SEZ6L: variants seen among roughly 807,000 people sequenced by gnomAD.
SEZ6L encodes the protein seizure 6-like protein.
A neutral mutation model predicts 106.2 loss-of-function variants in SEZ6L; 37 were observed. The observed-to-expected ratio is 0.35, with a 90% CI of 0.27 to 0.46. SEZ6L has a LOEUF of 0.46. Among genes scored for constraint, SEZ6L ranks in the 20% least tolerant of loss-of-function variants. The pLI is 1.00. For synonymous variants in SEZ6L, 541 were observed against 570.4 expected (o/e 0.95, Z 0.73); for missense variants, 1,172 against 1,332.8 (o/e 0.88, Z 1.88).
chr22:26,259,051 A>T (rs1358698484), intron 1 of SEZ6L, among the ~76,000 whole-genome samples: 1 of 152,366 alleles, frequency 6.6e-6, no homozygotes, highest in South Asian at 2.1e-4. Flanking sequence ...AAAGGAAATG[A>T]TAAAGTTTAA....
chr22:26,377,645 T>G, intron 15 of SEZ6L, 28 bp from the exon 16 acceptor site: 1 of 1,550,518 alleles, frequency 6.4e-7, no homozygotes, highest in Non-Finnish European at 8.9e-7. Context: ...TGGGGAGAAG[T>G]AACTTCTCTC....
chr22:26,344,157 G>A (rs2082935558), intron 10 of SEZ6L, among the ~76,000 whole-genome samples: 1 of 152,188 alleles, frequency 6.6e-6, no homozygotes, highest in Admixed American at 6.5e-5. Flanking sequence ...AGCTCTGGAA[G>A]GTGGCCAAAG....
chr22:26,279,053 A>G lies in SEZ6L; in HGVS notation c.95-13353A>G, dbSNP rs1298097949. On this transcript the variant is annotated intron_variant, in intron 1 of 16. Coordinates refer to ENST00000248933, the MANE Select transcript of SEZ6L (RefSeq NM_021115.5). The stretch of plus-strand genomic sequence containing the variant: ...AAAAATGAAAAGTGGAGCTCATCCA[A>G]CTTCCCCCCCAACCACGTTGAATGA... Among the ~76,000 whole-genome samples the G allele has an allele frequency of 3.3e-5, 5 of 149,900 alleles. No homozygotes were observed. The East Asian group carries it at 7.7e-4, about 23-fold the overall frequency.
rs147025077 is a variant in SEZ6L, at chr22:26,208,212, GC to G, written c.94+38451del. On this transcript the variant is annotated intron_variant, in intron 1 of 16. Coordinates refer to ENST00000248933, the MANE Select transcript of SEZ6L (RefSeq NM_021115.5). ...TTACAGGCGTGAGCCACTGCGCCCG[GC>G]CATATTCATGTGTATTTTAAGGAAA... is the stretch of plus-strand genomic sequence containing the variant. 3.2e-3 allele frequency among the ~76,000 whole-genome samples: 492 copies of G among 152,244 alleles called. 11 individuals carry two copies. In the South Asian group the frequency reaches 0.063, roughly 20 times the overall value.
intron 1 of SEZ6L, among the ~76,000 whole-genome samples, chr22:26,289,596 C>T (rs1274360925): frequency 6.6e-6 from 1 of 152,216 alleles, no homozygotes; most frequent in Non-Finnish European, 1.5e-5. Context: ...ACTCACGCTG[C>T]TCCCAGATAC....
At chr22:26,199,567 A>C (rs1940795519) in intron 1 of SEZ6L, among the ~76,000 whole-genome samples, 1 of 152,124 alleles carries the variant, frequency 6.6e-6, no homozygotes, top group Admixed American at 6.5e-5. Flanking sequence ...AATTTAATTG[A>C]TTCTCTCATA....
intron 6 of SEZ6L, among the ~76,000 whole-genome samples, chr22:26,308,295 G>GAGC (rs2081702142): frequency 6.6e-6 from 1 of 150,626 alleles, no homozygotes; most frequent in South Asian, 2.1e-4. Flanking sequence ...ATTGGAGGAT[G>GAGC]AGCACAAAGA....
chr22:26,374,301 T>C (rs538001709), intron 14 of SEZ6L, among the ~76,000 whole-genome samples: 5 of 152,062 alleles, frequency 3.3e-5, no homozygotes, highest in South Asian at 4.2e-4. Context: ...TCAAGCAGTT[T>C]TTATTATTCC....
chr22:26,364,425 TA>T (rs10577471), intron 12 of SEZ6L, among the ~76,000 whole-genome samples: 5,795 of 131,132 alleles, frequency 0.044, 378 homozygotes, highest in African/African-American at 0.15. Context: ...GTCTCTACTT[TA>T]AAAAAAAAAA....
At chr22:26,214,443 C>T (rs537194485) in intron 1 of SEZ6L, among the ~76,000 whole-genome samples, 1 of 152,282 alleles carries the variant, frequency 6.6e-6, no homozygotes, top group South Asian at 2.1e-4. Context: ...TCAGATAGAA[C>T]ATTTGCAGGA....
intron 8 of SEZ6L, 135 bp downstream of exon 8, chr22:26,312,097 T>A: frequency 1.2e-6 from 1 of 868,638 alleles, no homozygotes; most frequent in South Asian, 1.8e-5. Context: ...TTTCCAGGGT[T>A]CACTGTCCTT....
At chr22:26,248,962 G>A (rs1198195310) in intron 1 of SEZ6L, among the ~76,000 whole-genome samples, 1 of 152,054 alleles carries the variant, frequency 6.6e-6, no homozygotes, top group Non-Finnish European at 1.5e-5. Flanking sequence ...TTAATATTTT[G>A]GAATGGTAAA....
At chr22:26,251,120 A>G (rs2079562656) in intron 1 of SEZ6L, among the ~76,000 whole-genome samples, 1 of 152,048 alleles carries the variant, frequency 6.6e-6, no homozygotes. Context: ...ACAACTTTCC[A>G]CTTTGGATGT....
intron 1 of SEZ6L, among the ~76,000 whole-genome samples, chr22:26,228,372 T>C (rs749571687): frequency 2.6e-5 from 4 of 151,366 alleles, no homozygotes; most frequent in East Asian, 1.9e-4. Context: ...AGGGGCGGAG[T>C]TAGGATGGGA....
intron 12 of SEZ6L, among the ~76,000 whole-genome samples, chr22:26,363,590 G>A (rs1244762933): frequency 6.6e-6 from 1 of 152,218 alleles, no homozygotes; most frequent in Non-Finnish European, 1.5e-5. Context: ...ATGCCTTTGG[G>A]GAGCAATCTG....
chr22:26,332,559 A>T (rs1255300506), intron 9 of SEZ6L, among the ~76,000 whole-genome samples: 3 of 151,524 alleles, frequency 2.0e-5, no homozygotes, highest in African/African-American at 4.9e-5. Flanking sequence ...TGATCTTCCC[A>T]CCTCAGCCTC....
At chr22:26,254,228 C>CT (rs1297245752) in intron 1 of SEZ6L, 1 of 152,148 alleles carries the variant, frequency 6.6e-6, no homozygotes, top group East Asian at 1.9e-4. Flanking sequence ...TGTTCATGCC[C>CT]TTTGACCAAA....
At chr22:26,281,866 C>G in intron 1 of SEZ6L, among the ~76,000 whole-genome samples, 1 of 152,112 alleles carries the variant, frequency 6.6e-6, no homozygotes, top group Admixed American at 6.6e-5. Flanking sequence ...TGGATTCCAC[C>G]ACATCTTACT....
chr22:26,261,470 G>A (rs58036662), intron 1 of SEZ6L, among the ~76,000 whole-genome samples: 1 of 152,146 alleles, frequency 6.6e-6, no homozygotes, highest in Non-Finnish European at 1.5e-5. Flanking sequence ...TCATCCCAGC[G>A]CCATTTGTTG....
Sources: gnomAD v4.1 joint callset for allele counts (sites outside exome capture counted in the v4.1 genomes callset) on GRCh38, gnomAD v4.1.1 for gene constraint, MANE v1.5 for transcripts, NCBI Gene and HGNC (gene_info 2026-07-23, HGNC 2026-07-21) for gene names.